PCSK6: variants seen among roughly 807,000 people sequenced by gnomAD.
PCSK6 encodes proprotein convertase subtilisin/kexin type 6, also known as paired basic amino acid cleaving enzyme 4.
PCSK6 carries 85 observed loss-of-function variants against 123.3 expected under a neutral mutation model. The observed-to-expected ratio is 0.69, with a 90% confidence interval of 0.58 to 0.83. The LOEUF is 0.83. Among genes scored for constraint, PCSK6 ranks in the 40% least tolerant of loss-of-function variants. PCSK6 has a pLI of 0.00. For synonymous variants in PCSK6, 508 were observed against 516.0 expected (o/e 0.98, Z 0.21); for missense variants, 1,191 against 1,282.3 (o/e 0.93, Z 1.09).
chr15:101,392,736 C>T lies in PCSK6; in HGVS notation c.1209+476G>A, dbSNP rs2042270688. On this transcript the variant is annotated intron_variant, in intron 8 of 21. Coordinates refer to ENST00000611716, the MANE Select transcript of PCSK6 (RefSeq NM_002570.5). ...AGCGGAACAGACAGAAACCACTGCT[C>T]GACTTAAAGTGTCCAGAAAAAGTGC... 3.3e-5 allele frequency among the ~76,000 whole-genome samples: 5 copies of T among 151,978 alleles called. No individual in the cohort carries two copies. The South Asian group carries it at 8.3e-4, about 25-fold the overall frequency.
intron 9 of PCSK6, among the ~76,000 whole-genome samples, chr15:101,386,017 A>G (rs1596269635): frequency 6.6e-6 from 1 of 151,806 alleles, no homozygotes; most frequent in East Asian, 1.9e-4. Flanking sequence ...TCACAAACAC[A>G]TACTCTTTCC....
At chr15:101,450,332 G>A (rs2057002009) in intron 1 of PCSK6, among the ~76,000 whole-genome samples, 2 of 152,048 alleles carry the variant, frequency 1.3e-5, no homozygotes, top group Non-Finnish European at 1.5e-5. Context: ...GTCATCCAGT[G>A]TAAGGGGCCC....
At chr15:101,381,278 G>T (rs898921203) in intron 11 of PCSK6, among the ~76,000 whole-genome samples, 12 of 152,242 alleles carry the variant, frequency 7.9e-5, no homozygotes, top group South Asian at 2.1e-4. Flanking sequence ...GCAGGAAGAT[G>T]GCTTGAACTC....
rs186643433 is a variant in PCSK6, at chr15:101,305,433, C to A, written c.2813-78G>T. 1.6e-6 allele frequency: 2 copies of A among 1,213,702 alleles called. No homozygotes were observed. Among genetic ancestry groups the A allele is most frequent in the East Asian group, 5.0e-5 (2 of 39,842 alleles). 75.2% of individuals were successfully genotyped at this position (1,213,702 alleles called of 1,614,324 possible). On this transcript the variant is annotated intron_variant, in intron 21 of 21. Transcript: ENST00000611716. The surrounding 1 kb of genome is among the most constrained non-coding windows in gnomAD (Gnocchi z 4.8). ...CTGTGAAGATTGTTTCAAGGCCGGGCGCGGTGCCTCATGCCTGTAATCCCA... is the reference window on the plus strand; with the variant it reads ...CTGTGAAGATTGTTTCAAGGCCGGGAGCGGTGCCTCATGCCTGTAATCCCA...
chr15:101,367,257 C>A (rs1460632283), intron 12 of PCSK6, among the ~76,000 whole-genome samples: 1 of 152,218 alleles, frequency 6.6e-6, no homozygotes, highest in East Asian at 1.9e-4. Flanking sequence ...AGAAGTGACT[C>A]TTTCTGTACT....
At chr15:101,467,417 G>T (rs2057490567) in intron 1 of PCSK6, among the ~76,000 whole-genome samples, 1 of 151,482 alleles carries the variant, frequency 6.6e-6, no homozygotes, top group African/African-American at 2.4e-5. Flanking sequence ...GACTACGAGT[G>T]CCCACCACCA....
chr15:101,464,929 A>G (rs931485481), intron 1 of PCSK6, among the ~76,000 whole-genome samples: 2 of 142,656 alleles, frequency 1.4e-5, no homozygotes, highest in Admixed American at 7.2e-5. Flanking sequence ...CGGGCATACC[A>G]GAGTGATCAC....
chr15:101,455,190 T>C (rs1329373685), intron 1 of PCSK6, among the ~76,000 whole-genome samples: 2 of 152,202 alleles, frequency 1.3e-5, no homozygotes, highest in Non-Finnish European at 2.9e-5. Context: ...CTCTGCATTC[T>C]GTCCCCACCT....
At chr15:101,415,228 T>C (rs146165909) in intron 6 of PCSK6, among the ~76,000 whole-genome samples, 447 of 152,358 alleles carry the variant, frequency 2.9e-3, no homozygotes, top group African/African-American at 9.5e-3. Flanking sequence ...AACTTCTGAA[T>C]GAACTTGATA....
chr15:101,402,887 G>T (rs2042635127), intron 6 of PCSK6, among the ~76,000 whole-genome samples: 1 of 152,100 alleles, frequency 6.6e-6, no homozygotes, highest in Non-Finnish European at 1.5e-5. Context: ...TCTAGAACTA[G>T]AAATACCATT....
intron 1 of PCSK6, among the ~76,000 whole-genome samples, chr15:101,467,555 G>A (rs559994605): frequency 1.8e-4 from 28 of 152,270 alleles, no homozygotes; most frequent in Admixed American, 1.2e-3. Context: ...TTACAGGCAT[G>A]AGCCACCACG....
intron 11 of PCSK6, among the ~76,000 whole-genome samples, chr15:101,374,928 G>C (rs530179137): frequency 6.6e-6 from 1 of 151,950 alleles, no homozygotes; most frequent in Non-Finnish European, 1.5e-5. Flanking sequence ...TATGAGTTCA[G>C]ACTGAGAATT....
chr15:101,394,045 C>T lies in PCSK6; in HGVS notation c.997-621G>A, dbSNP rs117427204. On this transcript the variant is annotated intron_variant, in intron 7 of 21. Transcript: ENST00000611716. Reference sequence around the variant, plus strand: ...GTGTCCTGTCAGAGCTCCCTGTGGTCTCTGCAGTGGGTAAGTATCAGGGTG... The same window carrying T: ...GTGTCCTGTCAGAGCTCCCTGTGGTTTCTGCAGTGGGTAAGTATCAGGGTG... Among the ~76,000 whole-genome samples the T allele has an allele frequency of 8.1e-4, 123 of 152,204 alleles. 2 individuals carry two copies. The East Asian group carries it at 0.021, about 26-fold the overall frequency.
intron 13 of PCSK6, among the ~76,000 whole-genome samples, chr15:101,365,587 C>G (rs938245892): frequency 1.3e-5 from 2 of 152,034 alleles, no homozygotes; most frequent in Non-Finnish European, 2.9e-5. Flanking sequence ...AAACATAGGT[C>G]CACATAAAAA....
intron 18 of PCSK6, among the ~76,000 whole-genome samples, chr15:101,321,183 C>T (rs780568822): frequency 2.0e-5 from 3 of 152,194 alleles, no homozygotes; most frequent in Admixed American, 6.5e-5. Flanking sequence ...AGGCCGCCAG[C>T]GGAATGCCTC....
chr15:101,381,187 C>A (rs913921658), intron 11 of PCSK6, among the ~76,000 whole-genome samples: 11 of 151,974 alleles, frequency 7.2e-5, no homozygotes, highest in African/African-American at 2.7e-4. Context: ...GATGGTGAAA[C>A]CCCATCTCTA....
chr15:101,411,392 A>G (rs1043082669), intron 6 of PCSK6, among the ~76,000 whole-genome samples: 5 of 152,214 alleles, frequency 3.3e-5, no homozygotes, highest in Admixed American at 3.3e-4. Context: ...ATGCCCTGGG[A>G]GCGGGGAGTC....
chr15:101,314,980 A>C (rs1002449529), intron 19 of PCSK6, among the ~76,000 whole-genome samples: 1 of 152,036 alleles, frequency 6.6e-6, no homozygotes, highest in East Asian at 1.9e-4. Context: ...TGCCACTCTG[A>C]GTGGGGTTTG....
chr15:101,321,752 C>T (rs1360171925), intron 18 of PCSK6, among the ~76,000 whole-genome samples: 2 of 152,256 alleles, frequency 1.3e-5, no homozygotes, highest in Non-Finnish European at 2.9e-5. Context: ...TGCGGAAATG[C>T]AGAGTCGTGG....
Sources: allele counts gnomAD v4.1 joint callset (sites outside exome capture counted in the v4.1 genomes callset), GRCh38; gene constraint gnomAD v4.1.1; non-coding constraint Gnocchi (gnomAD v3.1); transcripts MANE v1.5; gene names NCBI Gene and HGNC (gene_info 2026-07-23, HGNC 2026-07-21).